Variants in AP1S2 observed in about 807,000 individuals in gnomAD.
AP1S2 encodes AP-1 complex subunit sigma-2.
AP1S2 carries 1 observed loss-of-function variant against 14.3 expected under a neutral mutation model. That is an observed-to-expected ratio of 0.07 (90% CI 0.02 to 0.33). The LOEUF (loss-of-function observed/expected upper bound fraction) is 0.33. Ranked by LOEUF, AP1S2 falls within the 10% of genes least tolerant of loss-of-function variation. AP1S2 has a pLI of 0.99. For synonymous variants in AP1S2, 30 were observed against 40.5 expected, an observed-to-expected ratio of 0.74 and a Z score of 0.99; for missense variants, 30 against 117.7, an observed-to-expected ratio of 0.25 and a Z score of 3.45.
intron 2 of AP1S2, among the ~76,000 whole-genome samples, chrX:15,849,594 C>CA: frequency 9.0e-6 from 1 of 111,731 alleles, no homozygotes; most frequent in East Asian, 2.8e-4. Flanking sequence ...ATATAAGTAT[C>CA]AGAGTTGGAT....
intron 5 of AP1S2, 99 bp from the exon 6 acceptor site, chrX:15,827,471 G>A: frequency 1.2e-6 from 1 of 829,655 alleles, no homozygotes; most frequent in Non-Finnish European, 1.8e-6. Context: ...AGAGAATCAA[G>A]AAAGCAATTT....
intron 4 of AP1S2, among the ~76,000 whole-genome samples, chrX:15,842,485 G>C (rs770002541): frequency 2.7e-5 from 3 of 111,684 alleles, no homozygotes; most frequent in Non-Finnish European, 3.8e-5. Flanking sequence ...TAAGAAAAAT[G>C]GTTCACTCAG....
chrX:15,854,707 C>A lies in AP1S2; in HGVS notation c.-20G>T. On this transcript the variant is annotated 5_prime_UTR_variant, in exon 1 of 6. Transcript: ENST00000672987. The stretch of plus-strand genomic sequence containing the variant: ...ACTTACGGCGGCCGCGGGCCGCGGG[C>A]GCGGCGGAGCTTGGCCGGCGGCGGC... 1.3e-6 allele frequency: 1 copy of A among 782,557 alleles called. No individual in the cohort carries two copies. Among genetic ancestry groups the A allele is most frequent in the Middle Eastern group, 6.8e-4 (1 of 1,460 alleles). 64.5% of individuals were successfully genotyped at this position (782,557 alleles called of 1,213,427 possible). A position where few individuals can be genotyped will look rare whatever the true frequency, so the allele number is the denominator to read the frequency against.
At chrX:15,835,203 T>C (rs1933594360) in intron 4 of AP1S2, among the ~76,000 whole-genome samples, 1 of 112,609 alleles carries the variant, frequency 8.9e-6, no homozygotes, top group Non-Finnish European at 1.9e-5. Flanking sequence ...GAAAATAATT[T>C]ACATTTAATG....
Position 15,845,977 on chromosome X carries a change from C to T in AP1S2, c.214G>A (p.Asp72Asn). Residue 72 changes from aspartate to asparagine, a missense_variant, in exon 3 of 6, where the codon GAT (aspartate) becomes AAT (asparagine). Asp to Asn is a conservative substitution (Grantham distance 23). Transcript: ENST00000672987. Reference protein sequence around the residue: ...ASLYFCCAIEDQDNELITLEI... With the variant: ...ASLYFCCAIENQDNELITLEI... ...AGGGTAATTAGTTCATTGTCCTGAT[C>T]CTCAATAGCACAGCAAAAATACAGA... The T allele has an allele frequency of 8.4e-7, 1 of 1,195,868 alleles. No individual in the cohort carries two copies. Among genetic ancestry groups the T allele is most frequent in the South Asian group, 1.8e-5 (1 of 56,615 alleles).
intron 4 of AP1S2, 141 bp downstream of exon 4, chrX:15,845,238 C>T: frequency 8.9e-7 from 1 of 1,121,743 alleles, no homozygotes; most frequent in African/African-American, 1.8e-5. Flanking sequence ...ACACATATTC[C>T]AGTCAATAAA....
intron 2 of AP1S2, among the ~76,000 whole-genome samples, chrX:15,849,838 T>C (rs1011275357): frequency 8.1e-5 from 9 of 111,489 alleles, no homozygotes; most frequent in Admixed American, 4.7e-4. Context: ...CCCACTCCTA[T>C]GTCTATGAGT....
chrX:15,833,517 A>C (rs2147300933), intron 4 of AP1S2: 1 of 851,763 alleles, frequency 1.2e-6, no homozygotes, highest in Admixed American at 6.6e-5. Flanking sequence ...TCAAGAAGAA[A>C]AGAAACTCTA....
At chrX:15,853,608 G>A (rs776909141) in intron 1 of AP1S2, among the ~76,000 whole-genome samples, 2 of 111,722 alleles carry the variant, frequency 1.8e-5, no homozygotes, top group Non-Finnish European at 3.8e-5. Context: ...ACACGGGGAG[G>A]GGAAATTTAC....
Position 15,835,591 on chromosome X carries a change from A to AT in AP1S2, c.427-7392dup, listed in dbSNP as rs1231490969. 6.0e-3 allele frequency among the ~76,000 whole-genome samples: 641 copies of AT among 105,967 alleles called. 1 individual carries two copies. Among genetic ancestry groups the AT allele is most frequent in the Non-Finnish European group, 7.7e-3 (391 of 51,029 alleles). The allele number at this position is 105,967 out of a possible 115,157, so 92.0% of individuals were successfully genotyped here. A position where few individuals can be genotyped will look rare whatever the true frequency, so the allele number is the denominator to read the frequency against. ...TGTGAAGTGCTAAGAAAGTCAAGCGATTTTTTTTTTTTACATTAAGTTAGC... is the reference window on the plus strand; with the variant it reads ...TGTGAAGTGCTAAGAAAGTCAAGCGATTTTTTTTTTTTTACATTAAGTTAGC... On this transcript the variant is annotated intron_variant, in intron 4 of 5. Coordinates refer to ENST00000672987, the MANE Select transcript of AP1S2 (RefSeq NM_001272071.2).
At chrX:15,851,336 C>T (rs887521233) in intron 2 of AP1S2, among the ~76,000 whole-genome samples, 8 of 112,070 alleles carry the variant, frequency 7.1e-5, no homozygotes, top group African/African-American at 2.6e-4. Context: ...TCTTCCCAGC[C>T]ATCTCCCTGA....
intron 5 of AP1S2, 35 bp from the exon 6 acceptor site, chrX:15,827,407 A>G (rs2147295131): frequency 8.9e-7 from 1 of 1,117,632 alleles, no homozygotes; most frequent in East Asian, 3.0e-5. Context: ...TGGTAAGCAG[A>G]TCCAGGGAGT....
chrX:15,831,361 A>G, intron 4 of AP1S2: 1 of 751,385 alleles, frequency 1.3e-6, no homozygotes, highest in Non-Finnish European at 1.6e-6. Flanking sequence ...AATAAAACAG[A>G]AAAGTTTGGA....
chrX:15,845,871 C>T, intron 3 of AP1S2, 32 bp downstream of exon 3: 1 of 1,074,709 alleles, frequency 9.3e-7, no homozygotes, highest in Non-Finnish European at 1.3e-6. Context: ...TATACTATGG[C>T]ATTCAATTTC....
chrX:15,838,258 A>G (rs1357084632), intron 4 of AP1S2, among the ~76,000 whole-genome samples: 3 of 111,061 alleles, frequency 2.7e-5, no homozygotes, highest in South Asian at 3.8e-4. Context: ...ACATTACCCA[A>G]TGTCCCCTAG....
chrX:15,839,829 C>A (rs1212569445), intron 4 of AP1S2, among the ~76,000 whole-genome samples: 1 of 111,037 alleles, frequency 9.0e-6, no homozygotes, highest in Non-Finnish European at 1.9e-5. Flanking sequence ...TTTAAAAAGT[C>A]CAAAACTTCA....
intron 4 of AP1S2, among the ~76,000 whole-genome samples, chrX:15,839,187 T>G (rs1391430881): frequency 1.8e-5 from 2 of 112,092 alleles, no homozygotes; most frequent in Non-Finnish European, 3.8e-5. Flanking sequence ...CCTGATTAAG[T>G]TTACCTATAA....
At chrX:15,840,476 A>C in intron 4 of AP1S2, 1 of 890,157 alleles carries the variant, frequency 1.1e-6, no homozygotes, top group Non-Finnish European at 1.5e-6. Context: ...ATGCCACAAA[A>C]ATGGTAAATT....
rs181337386 is a variant in AP1S2, at chrX:15,831,955, C to T, written c.427-3755G>A. On this transcript the variant is annotated intron_variant, in intron 4 of 5. Coordinates refer to ENST00000672987, the MANE Select transcript of AP1S2 (RefSeq NM_001272071.2). ...TAAATTCATTAGTTCATTTGTATTA[C>T]ATAAACTAAAGAACCTAGAGAAAAA... 1.3e-3 allele frequency: 963 copies of T among 743,746 alleles called. 8 individuals carry two copies. In the African/African-American group the frequency reaches 0.021, roughly 16 times the overall value. The allele number at this position is 743,746 out of a possible 1,213,427, so 61.3% of individuals were successfully genotyped here. A position where few individuals can be genotyped will look rare whatever the true frequency, so the allele number is the denominator to read the frequency against.
Sources: allele counts gnomAD v4.1 joint callset (sites outside exome capture counted in the v4.1 genomes callset), GRCh38; gene constraint gnomAD v4.1.1; transcripts MANE v1.5; gene names NCBI Gene and HGNC (gene_info 2026-07-23, HGNC 2026-07-21).